Variants in SBF2 observed in about 807,000 individuals in gnomAD.
SBF2 encodes SET binding factor 2.
Under a neutral mutation model 225.2 loss-of-function variants are expected in SBF2, and 112 were observed. The observed-to-expected ratio is 0.50, with a 90% CI of 0.43 to 0.58. The LOEUF is 0.58. SBF2 is among the 20% of genes least tolerant of loss of function. The pLI is 0.00. For synonymous variants in SBF2, 763 were observed against 773.3 expected (o/e 0.99, Z 0.22); for missense variants, 1,996 against 2,206.2 (o/e 0.90, Z 1.91).
intron 16 of SBF2, among the ~76,000 whole-genome samples, chr11:9,911,514 A>G (rs1290247907): frequency 6.6e-6 from 1 of 152,214 alleles, no homozygotes; most frequent in African/African-American, 2.4e-5. Context: ...AAAATTAAAA[A>G]TTTTGTAAAG....
At chr11:9,847,733 A>G (rs1057327946) in intron 22 of SBF2, among the ~76,000 whole-genome samples, 2 of 152,204 alleles carry the variant, frequency 1.3e-5, no homozygotes, top group Non-Finnish European at 2.9e-5. Flanking sequence ...ATAATTATTT[A>G]TCAAGTACCT....
chr11:10,274,699 C>T (rs61889826), intron 1 of SBF2, among the ~76,000 whole-genome samples: 3 of 147,578 alleles, frequency 2.0e-5, no homozygotes, highest in Non-Finnish European at 4.4e-5. Context: ...TGCAGTGAGC[C>T]GAGATTGTGC....
chr11:10,053,629 C>T (rs1253214716), intron 2 of SBF2, among the ~76,000 whole-genome samples: 1 of 152,054 alleles, frequency 6.6e-6, no homozygotes, highest in Non-Finnish European at 1.5e-5. Flanking sequence ...GTGGCTCATG[C>T]CTGTAATCCC....
chr11:9,972,175 A>G (rs1191156577), intron 13 of SBF2, among the ~76,000 whole-genome samples: 1 of 152,134 alleles, frequency 6.6e-6, no homozygotes, highest in Non-Finnish European at 1.5e-5. Flanking sequence ...TCACATCTGT[A>G]AGGAAGATAA....
At chr11:10,133,926 C>T (rs1337303028) in intron 2 of SBF2, among the ~76,000 whole-genome samples, 3 of 152,228 alleles carry the variant, frequency 2.0e-5, no homozygotes, top group African/African-American at 7.2e-5. Flanking sequence ...TGACACAGAA[C>T]TCCTAAAACC....
At chr11:10,049,588 C>T (rs1333398655) in intron 2 of SBF2, among the ~76,000 whole-genome samples, 1 of 151,730 alleles carries the variant, frequency 6.6e-6, no homozygotes, top group East Asian at 1.9e-4. Context: ...GCCTGGGCAA[C>T]AAGAGAGAGA....
At chr11:9,883,124 A>G (rs555305940) in intron 17 of SBF2, among the ~76,000 whole-genome samples, 77 of 152,112 alleles carry the variant, frequency 5.1e-4, no homozygotes, top group African/African-American at 1.7e-3. Flanking sequence ...ACAGAGCGAG[A>G]CTCTGTCTCA....
At chr11:9,879,159 C>T (rs1471864108) in intron 17 of SBF2, among the ~76,000 whole-genome samples, 1 of 152,200 alleles carries the variant, frequency 6.6e-6, no homozygotes, top group African/African-American at 2.4e-5. Context: ...CACAAATCCC[C>T]ATCAAATCTA....
At chr11:9,815,516 G>A (rs1854412550) in intron 29 of SBF2, among the ~76,000 whole-genome samples, 1 of 151,768 alleles carries the variant, frequency 6.6e-6, no homozygotes, top group South Asian at 2.1e-4. Context: ...AGAAAAAGAG[G>A]GCAGGAGGAA....
At chr11:9,968,651 T>TA in intron 13 of SBF2, 106 bp from the exon 14 acceptor site, 1 of 865,370 alleles carries the variant, frequency 1.2e-6, no homozygotes. Context: ...TAGTTATACA[T>TA]ACATTCATAT....
intron 2 of SBF2, among the ~76,000 whole-genome samples, chr11:10,167,715 C>G (rs1956025979): frequency 6.6e-6 from 1 of 152,098 alleles, no homozygotes; most frequent in Non-Finnish European, 1.5e-5. Context: ...AACTGGTTGC[C>G]TTGATGAAGT....
intron 2 of SBF2, among the ~76,000 whole-genome samples, chr11:10,122,331 A>G (rs1953504409): frequency 6.6e-6 from 1 of 152,192 alleles, no homozygotes; most frequent in African/African-American, 2.4e-5. Context: ...ATTCCAACTG[A>G]TGGCAATCAA....
intron 2 of SBF2, among the ~76,000 whole-genome samples, chr11:10,119,802 T>C (rs1411506457): frequency 6.6e-6 from 1 of 152,206 alleles, no homozygotes; most frequent in Non-Finnish European, 1.5e-5. Context: ...TATGTTTATT[T>C]CAGTGTTTCT....
At chr11:10,065,769 G>A (rs1165219793) in intron 2 of SBF2, among the ~76,000 whole-genome samples, 1 of 152,084 alleles carries the variant, frequency 6.6e-6, no homozygotes, top group Admixed American at 6.6e-5. Flanking sequence ...TTAACATGGT[G>A]AAACCCCGTC....
At chr11:10,011,116 T>C (rs1464176338) in intron 6 of SBF2, among the ~76,000 whole-genome samples, 1 of 149,554 alleles carries the variant, frequency 6.7e-6, no homozygotes, top group Non-Finnish European at 1.5e-5. Flanking sequence ...AAAATACACA[T>C]ATAGTCTATT....
intron 2 of SBF2, among the ~76,000 whole-genome samples, chr11:10,106,668 T>C (rs1228051895): frequency 1.4e-5 from 2 of 142,834 alleles, no homozygotes; most frequent in Non-Finnish European, 3.1e-5. Flanking sequence ...ATTAAAAAAC[T>C]AACGAAATTG....
intron 16 of SBF2, among the ~76,000 whole-genome samples, chr11:9,924,370 A>G (rs1266863314): frequency 6.6e-6 from 1 of 152,230 alleles, no homozygotes; most frequent in Non-Finnish European, 1.5e-5. Flanking sequence ...GCATGTTTAA[A>G]GTATGCTAGG....
intron 1 of SBF2, among the ~76,000 whole-genome samples, chr11:10,199,466 C>CA (rs1400794728): frequency 5.3e-5 from 8 of 151,990 alleles, no homozygotes; most frequent in Non-Finnish European, 8.8e-5. Flanking sequence ...ATGGAGCTGA[C>CA]AGACTTGTTC....
rs1554924568 is a variant in SBF2, at chr11:9,850,140, C to T, written c.2689G>A (p.Gly897Arg). ...EGLRVLLDPD[G>R]REEATGGLLG... ...AGACCTCCAGTAGCTTCTTCTCTTC[C>T]ATCAGGATCCAGCAAGACTCGAAGA... Residue 897 changes from glycine to arginine, a missense_variant, in exon 22 of 40, where the codon GGA becomes AGA. Coordinates refer to ENST00000256190, the MANE Select transcript of SBF2 (RefSeq NM_030962.4). 6.2e-7 allele frequency: 1 copy of T among 1,614,112 alleles called. No individual in the cohort carries two copies. The highest frequency in any genetic ancestry group is 8.5e-7 in the Non-Finnish European group (1 of 1,180,014).
Sources: allele counts gnomAD v4.1 joint callset (sites outside exome capture counted in the v4.1 genomes callset), GRCh38; gene constraint gnomAD v4.1.1; transcripts MANE v1.5; gene names NCBI Gene and HGNC (gene_info 2026-07-23, HGNC 2026-07-21).